The following STXBP5L variants were observed in gnomAD, a reference collection of about 807,000 sequenced individuals.
The protein encoded by STXBP5L is syntaxin binding protein 5L, also known as syntaxin-binding protein 5-like.
A neutral mutation model predicts 144.5 loss-of-function variants in STXBP5L; 65 were observed. The observed-to-expected ratio is 0.45, with a 90% CI of 0.37 to 0.55. The LOEUF is 0.55. STXBP5L is among the 20% of genes least tolerant of loss of function. The probability of loss-of-function intolerance (pLI) is 0.00; values close to 1 mark genes in which losing one functional copy is unlikely to be tolerated. For missense variants in STXBP5L, 1,298 were observed against 1,405.5 expected (o/e 0.92, Z 1.22); for synonymous variants, 505 against 469.6 (o/e 1.08, Z -0.97).
intron 11 of STXBP5L, among the ~76,000 whole-genome samples, chr3:121,232,166 T>C (rs1364551593): frequency 6.6e-6 from 1 of 152,214 alleles, no homozygotes; most frequent in African/African-American, 2.4e-5. Context: ...AGACAAACCC[T>C]AAACTTGACA....
intron 11 of STXBP5L, among the ~76,000 whole-genome samples, chr3:121,231,645 G>T (rs904901002): frequency 6.6e-6 from 1 of 152,076 alleles, no homozygotes; most frequent in Admixed American, 6.6e-5. Flanking sequence ...ACTAGAAAGA[G>T]ATATATATAT....
At chr3:121,054,601 AG>A (rs1382063665) in intron 5 of STXBP5L, among the ~76,000 whole-genome samples, 5 of 74,710 alleles carry the variant, frequency 6.7e-5, no homozygotes, top group Admixed American at 1.9e-4. Context: ...GGGTGGGGGG[AG>A]GGGGGAGGGA....
At chr3:121,343,985 C>G (rs562295137) in intron 20 of STXBP5L, among the ~76,000 whole-genome samples, 1 of 152,092 alleles carries the variant, frequency 6.6e-6, no homozygotes, top group Non-Finnish European at 1.5e-5. Context: ...ATCAAGCTAC[C>G]GGACTTCTAA....
intron 5 of STXBP5L, among the ~76,000 whole-genome samples, chr3:121,050,053 T>G (rs530178204): frequency 2.8e-4 from 42 of 152,240 alleles, no homozygotes; most frequent in African/African-American, 1.0e-3. Flanking sequence ...CACTTCTGGG[T>G]GGGCAATTGT....
chr3:121,349,553 G>T (rs1452945496), intron 20 of STXBP5L, among the ~76,000 whole-genome samples: 2 of 152,038 alleles, frequency 1.3e-5, no homozygotes, highest in Non-Finnish European at 2.9e-5. Flanking sequence ...TGTTGACAGT[G>T]GGGTGTTAAA....
At chr3:120,989,056 C>G (rs888564275) in intron 3 of STXBP5L, among the ~76,000 whole-genome samples, 1 of 152,066 alleles carries the variant, frequency 6.6e-6, no homozygotes, top group Non-Finnish European at 1.5e-5. Flanking sequence ...CTTTATTTCT[C>G]TTACTATCCA....
At chr3:121,010,703 A>G (rs1348341147) in intron 3 of STXBP5L, among the ~76,000 whole-genome samples, 1 of 151,952 alleles carries the variant, frequency 6.6e-6, no homozygotes, top group Non-Finnish European at 1.5e-5. Flanking sequence ...CCTATCTCAT[A>G]CATTAAATGT....
intron 17 of STXBP5L, among the ~76,000 whole-genome samples, chr3:121,258,140 C>T (rs2050268179): frequency 6.6e-6 from 1 of 151,806 alleles, no homozygotes; most frequent in South Asian, 2.1e-4. Flanking sequence ...TTCAATAAAA[C>T]CTAAAGTTAA....
chr3:121,217,070 C>T (rs1295914281), intron 10 of STXBP5L, among the ~76,000 whole-genome samples: 4 of 152,190 alleles, frequency 2.6e-5, no homozygotes, highest in Admixed American at 1.3e-4. Context: ...CTCAGACTGC[C>T]GTGCTGGCAG....
At chr3:120,988,375 G>A (rs1942507940) in intron 3 of STXBP5L, among the ~76,000 whole-genome samples, 1 of 151,650 alleles carries the variant, frequency 6.6e-6, no homozygotes, top group Non-Finnish European at 1.5e-5. Context: ...CTCCTTAGAA[G>A]TGTACTAATT....
chr3:121,341,717 T>A (rs1443674454), intron 20 of STXBP5L, among the ~76,000 whole-genome samples: 4 of 152,016 alleles, frequency 2.6e-5, no homozygotes, highest in African/African-American at 7.2e-5. Context: ...GTTTACAACA[T>A]GAATGGAACT....
chr3:121,236,594 G>A (rs1187238525), intron 12 of STXBP5L, among the ~76,000 whole-genome samples: 7 of 152,130 alleles, frequency 4.6e-5, no homozygotes, highest in African/African-American at 1.7e-4. Context: ...TCGTCCTTAA[G>A]GGAAGACATT....
chr3:120,972,836 TTA>T (rs1307717157), intron 3 of STXBP5L, among the ~76,000 whole-genome samples: 1 of 152,182 alleles, frequency 6.6e-6, no homozygotes, highest in Non-Finnish European at 1.5e-5. Context: ...CAGGTAGTTT[TTA>T]TGTTTTTAAT....
chr3:120,998,252 G>A (rs1943507130), intron 3 of STXBP5L, among the ~76,000 whole-genome samples: 1 of 152,140 alleles, frequency 6.6e-6, no homozygotes. Context: ...GGAAGAGAAA[G>A]AAGTAAAGTC....
At chr3:121,213,472 G>A (rs2048659253) in intron 10 of STXBP5L, among the ~76,000 whole-genome samples, 1 of 152,020 alleles carries the variant, frequency 6.6e-6, no homozygotes, top group Non-Finnish European at 1.5e-5. Context: ...TAATCATGAG[G>A]TTTTTGTCAT....
chr3:121,045,627 A>T, intron 5 of STXBP5L, 92 bp downstream of exon 5: 1 of 1,068,974 alleles, frequency 9.4e-7, no homozygotes, highest in Non-Finnish European at 1.4e-6. Context: ...TTTTCCTCAT[A>T]ATCTCAACAG....
At chr3:121,390,255 T>A (rs1032929964) in intron 22 of STXBP5L, among the ~76,000 whole-genome samples, 1 of 152,166 alleles carries the variant, frequency 6.6e-6, no homozygotes, top group African/African-American at 2.4e-5. Context: ...TCTTCCTCCA[T>A]CCCTTTACTT....
Position 121,050,413 on chromosome 3 carries a change from G to C in STXBP5L, c.470+4878G>C, listed in dbSNP as rs1453129903. Among the ~76,000 whole-genome samples the C allele has an allele frequency of 3.9e-5, 6 of 152,090 alleles. 1 individual carries two copies. The highest frequency in any genetic ancestry group is 5.9e-5 in the Non-Finnish European group (4 of 67,994). ...GATCAGTAAAGAGTTGTTCAGAAGA[G>C]AGTGGGGGCCAATATTCAACATTCT... On this transcript the variant is annotated intron_variant, in intron 5 of 26. Transcript: ENST00000471454.
At chr3:121,005,327 G>C (rs569330006) in intron 3 of STXBP5L, among the ~76,000 whole-genome samples, 1 of 152,154 alleles carries the variant, frequency 6.6e-6, no homozygotes, top group Non-Finnish European at 1.5e-5. Context: ...AGATTTTCTA[G>C]TTTATTTGCA....
Sources: gnomAD v4.1 joint callset for allele counts (sites outside exome capture counted in the v4.1 genomes callset) on GRCh38, gnomAD v4.1.1 for gene constraint, MANE v1.5 for transcripts, NCBI Gene and HGNC (gene_info 2026-07-23, HGNC 2026-07-21) for gene names.